The following ZNF714 variants were observed in gnomAD, a reference collection of about 807,000 sequenced individuals.
The protein encoded by ZNF714 is zinc finger protein 714.
In ZNF714, 32 loss-of-function variants were observed where a neutral mutation model predicts 46.2. The observed-to-expected ratio is 0.69, with a 90% CI of 0.52 to 0.93. ZNF714 has a LOEUF of 0.93. Ranked by LOEUF, ZNF714 falls within the 40% of genes least tolerant of loss-of-function variation. The pLI, the probability that ZNF714 is intolerant of heterozygous loss-of-function variation, is 0.00. For synonymous variants in ZNF714, 199 were observed against 213.1 expected (o/e 0.93, Z 0.58); for missense variants, 635 against 646.3 (o/e 0.98, Z 0.19).
chr19:21,110,560 CA>C (rs1261279882), intron 4 of ZNF714, among the ~76,000 whole-genome samples: 3 of 151,978 alleles, frequency 2.0e-5, no homozygotes, highest in Admixed American at 2.0e-4. Context: ...TTCACTCTGA[CA>C]ATTTATTTTG....
At position 21,124,951 on chromosome 19, in the gene ZNF714, T is replaced by C. The variant is rs994539439; in HGVS notation, c.*6619T>C. On this transcript the variant is annotated 3_prime_UTR_variant, in exon 5 of 5. Coordinates refer to ENST00000456283, the MANE Select transcript of ZNF714 (RefSeq NM_182515.4). ...ATATAATTTTTTTCTTTTTTTTTTT[T>C]TTTTTTAAGGCCAGGTGTGGTGTCT... 6.7e-6 allele frequency: 1 copy of C among 150,128 alleles called. No individual in the cohort carries two copies. The highest frequency in any genetic ancestry group is 1.5e-5 in the Non-Finnish European group (1 of 67,504). The allele number at this position is 150,128 out of a possible 1,614,324, so 9.3% of individuals were successfully genotyped here.
intron 4 of ZNF714, among the ~76,000 whole-genome samples, chr19:21,114,227 A>G (rs575345683): frequency 6.6e-6 from 1 of 152,174 alleles, no homozygotes; most frequent in East Asian, 1.9e-4. Context: ...TCACAAGGTC[A>G]GGAGATCGAG....
intron 4 of ZNF714, among the ~76,000 whole-genome samples, chr19:21,111,151 T>C (rs980086327): frequency 1.3e-5 from 2 of 152,214 alleles, no homozygotes; most frequent in African/African-American, 4.8e-5. Context: ...TTAGTCAGAA[T>C]AGCATGGAAT....
At chr19:21,098,132 T>TG in intron 2 of ZNF714, 53 bp from the exon 3 acceptor site, 1 of 1,542,782 alleles carries the variant, frequency 6.5e-7, no homozygotes, top group Non-Finnish European at 8.7e-7. Context: ...TAATAAATTC[T>TG]GCCCATGGCC....
At position 21,124,963 on chromosome 19, in the gene ZNF714, C is replaced by T. The variant is rs2144891827; in HGVS notation, c.*6631C>T. 7.2e-6 allele frequency: 1 copy of T among 138,300 alleles called. No individual in the cohort carries two copies. Among genetic ancestry groups the T allele is most frequent in the South Asian group, 2.2e-4 (1 of 4,454 alleles). 8.6% of individuals were successfully genotyped at this position (138,300 alleles called of 1,614,324 possible). ...TCTTTTTTTTTTTTTTTTTTAAGGC[C>T]AGGTGTGGTGTCTTACACCTGTAAT... On this transcript the variant is annotated 3_prime_UTR_variant, in exon 5 of 5. Coordinates refer to ENST00000456283, the MANE Select transcript of ZNF714 (RefSeq NM_182515.4).
chr19:21,104,050 C>T (rs1969253260), intron 4 of ZNF714, among the ~76,000 whole-genome samples: 1 of 151,474 alleles, frequency 6.6e-6, no homozygotes, highest in South Asian at 2.1e-4. Context: ...AACACCGTTC[C>T]ACTTTGTTTT....
Position 21,107,519 on chromosome 19 carries a change from G to A in ZNF714, c.142+8609G>A, listed in dbSNP as rs188073535. The stretch of plus-strand genomic sequence containing the variant: ...CTCCCAAAATGCTGGGATTGCAGGT[G>A]TAAGCCACCACACCCAGCCATAGAC... On this transcript the variant is annotated intron_variant, in intron 4 of 4. Transcript: ENST00000456283. 3.7e-4 allele frequency among the ~76,000 whole-genome samples: 51 copies of A among 139,702 alleles called. 2 individuals carry two copies. Among genetic ancestry groups the A allele is most frequent in the Admixed American group, 3.0e-3 (44 of 14,812 alleles). 91.6% of individuals were successfully genotyped at this position (139,702 alleles called of 152,430 possible).
chr19:21,091,658 G>A (rs1183483968), intron 2 of ZNF714: 2 of 149,898 alleles, frequency 1.3e-5, no homozygotes, highest in Admixed American at 6.7e-5. Flanking sequence ...CCCAGATTAT[G>A]TTTGTGATTC....
rs369678978 is a variant in ZNF714 at position 21,107,705 on chromosome 19, T to A, written c.142+8795T>A. ...TCTTTTATTTTTATTTTATTTGTTTTAGAGACAGGGTTTTCTTACGTTGTC... is the reference window on the plus strand; with the variant it reads ...TCTTTTATTTTTATTTTATTTGTTTAAGAGACAGGGTTTTCTTACGTTGTC... On this transcript the variant is annotated intron_variant, in intron 4 of 4. Transcript: ENST00000456283. 7.6e-4 allele frequency among the ~76,000 whole-genome samples: 115 copies of A among 152,312 alleles called. 1 individual carries two copies. The South Asian group carries it at 0.022, about 30-fold the overall frequency.
At chr19:21,090,267 G>C (rs73535730) in intron 2 of ZNF714, among the ~76,000 whole-genome samples, 1 of 152,138 alleles carries the variant, frequency 6.6e-6, no homozygotes, top group African/African-American at 2.4e-5. Flanking sequence ...GAGCTCAGGG[G>C]GCCAGAGAAA....
chr19:21,102,872 T>C (rs1969216114), intron 4 of ZNF714, among the ~76,000 whole-genome samples: 1 of 152,230 alleles, frequency 6.6e-6, no homozygotes, highest in African/African-American at 2.4e-5. Context: ...TTGTGTTTTT[T>C]AGTTTTTCTT....
chr19:21,101,012 T>C (rs12232783), intron 4 of ZNF714, among the ~76,000 whole-genome samples: 86,374 of 152,016 alleles, frequency 0.57, 26,077 homozygotes, highest in East Asian at 0.75. Context: ...CCCGGCTTTT[T>C]AGACAAATTT....
chr19:21,106,630 A>G (rs1043597305), intron 4 of ZNF714, among the ~76,000 whole-genome samples: 1 of 151,778 alleles, frequency 6.6e-6, no homozygotes, highest in African/African-American at 2.4e-5. Flanking sequence ...CAACTTTATC[A>G]GTGTTGTTAT....
rs184566009 is a variant in ZNF714 at position 21,108,026 on chromosome 19, C to A, written c.143-8781C>A. Among the ~76,000 whole-genome samples, 4 of 152,196 alleles carry A rather than the reference C, an allele frequency of 2.6e-5. No homozygotes were observed. The East Asian group carries it at 5.8e-4, about 22-fold the overall frequency. On this transcript the variant is annotated intron_variant, in intron 4 of 4. Transcript: ENST00000456283. Reference sequence around the variant, plus strand: ...GCAACCTCAGCCTCCTTGACTCAAGCGATCTTTCCACCTCAGCCTCCTATG... The same window carrying A: ...GCAACCTCAGCCTCCTTGACTCAAGAGATCTTTCCACCTCAGCCTCCTATG...
chr19:21,111,131 C>T (rs1969441278), intron 4 of ZNF714, among the ~76,000 whole-genome samples: 1 of 152,074 alleles, frequency 6.6e-6, no homozygotes, highest in Admixed American at 6.6e-5. Context: ...TGAAGAATAT[C>T]AGTAGTAGTT....
intron 4 of ZNF714, among the ~76,000 whole-genome samples, chr19:21,109,902 T>C (rs578189454): frequency 6.6e-6 from 1 of 152,310 alleles, no homozygotes; most frequent in East Asian, 1.9e-4. Context: ...GCTCCATCTC[T>C]GTCTTTGCAA....
chr19:21,099,015 C>CTGTCTTGT, intron 4 of ZNF714, 105 bp downstream of exon 4: 1 of 648,070 alleles, frequency 1.5e-6, no homozygotes, highest in Non-Finnish European at 2.5e-6. Flanking sequence ...AGCTGTTTTG[C>CTGTCTTGT]AAAGTATATA....
At chr19:21,113,786 A>G (rs1969519556) in intron 4 of ZNF714, among the ~76,000 whole-genome samples, 1 of 152,106 alleles carries the variant, frequency 6.6e-6, no homozygotes, top group Non-Finnish European at 1.5e-5. Context: ...CTAGGGTTAC[A>G]AGCGTGAGCC....
intron 4 of ZNF714, among the ~76,000 whole-genome samples, chr19:21,110,670 G>A (rs553282837): frequency 2.6e-5 from 4 of 152,274 alleles, no homozygotes; most frequent in African/African-American, 4.8e-5. Context: ...CCATGCCTAT[G>A]TCCTGAATGG....
Sources: gnomAD v4.1 joint callset for allele counts (sites outside exome capture counted in the v4.1 genomes callset) on GRCh38, gnomAD v4.1.1 for gene constraint, MANE v1.5 for transcripts, NCBI Gene and HGNC (gene_info 2026-07-23, HGNC 2026-07-21) for gene names.